Variants in CREB3L1 observed in about 807,000 individuals in gnomAD.
CREB3L1 encodes cyclic AMP-responsive element-binding protein 3-like protein 1.
Under a neutral mutation model 54.5 loss-of-function variants are expected in CREB3L1, and 33 were observed. That is an observed-to-expected ratio of 0.61 (90% CI 0.46 to 0.81). The LOEUF is 0.81. CREB3L1 is among the 30% of genes least tolerant of loss of function. The pLI, the probability that CREB3L1 is intolerant of heterozygous loss-of-function variation, is 0.00. For missense variants in CREB3L1, 656 were observed against 673.3 expected (o/e 0.97, Z 0.29); for synonymous variants, 284 against 286.4 (o/e 0.99, Z 0.08).
intron 1 of CREB3L1, among the ~76,000 whole-genome samples, chr11:46,287,333 C>A (rs1939068751): frequency 1.3e-5 from 2 of 152,150 alleles, no homozygotes; most frequent in Admixed American, 6.5e-5. Flanking sequence ...GGGTCTCACT[C>A]TGTTGCCCAG....
intron 1 of CREB3L1, among the ~76,000 whole-genome samples, chr11:46,296,611 A>G (rs564554642): frequency 1.7e-3 from 261 of 152,302 alleles, no homozygotes; most frequent in Non-Finnish European, 2.9e-3. Context: ...AGAGCGCTCT[A>G]GGGGAGTCCC....
intron 1 of CREB3L1, among the ~76,000 whole-genome samples, chr11:46,296,019 C>T (rs1006703781): frequency 2.6e-5 from 4 of 152,200 alleles, no homozygotes; most frequent in African/African-American, 9.7e-5. Context: ...CTCCGGCTTC[C>T]CACCCCCGTT....
intron 1 of CREB3L1, among the ~76,000 whole-genome samples, chr11:46,292,203 C>T (rs1385368783): frequency 3.3e-5 from 5 of 152,192 alleles, no homozygotes; most frequent in South Asian, 2.1e-4. Context: ...ATGGGTACAG[C>T]GGCCCCACTA....
At chr11:46,313,948 C>G (rs1288984259) in intron 8 of CREB3L1, among the ~76,000 whole-genome samples, 1 of 152,078 alleles carries the variant, frequency 6.6e-6, no homozygotes, top group Non-Finnish European at 1.5e-5. Flanking sequence ...GAAACATTAT[C>G]TCATAGGGCC....
rs533646792 is a variant in CREB3L1, at chr11:46,308,141, G to A, written c.516+141G>A. The stretch of plus-strand genomic sequence containing the variant: ...TCAGGGCTGAGGGTGGGAAGCCCCC[G>A]CCCAGCCCAGGCCTCCGCCTACCCC... On this transcript the variant is annotated intron_variant, in intron 3 of 11. Coordinates refer to ENST00000621158, the MANE Select transcript of CREB3L1 (RefSeq NM_052854.4). 3.2e-4 allele frequency: 240 copies of A among 742,718 alleles called. 2 individuals carry two copies. In the South Asian group the frequency reaches 4.2e-3, roughly 13 times the overall value. The allele number at this position is 742,718 out of a possible 1,614,324, so 46.0% of individuals were successfully genotyped here. A position where few individuals can be genotyped will look rare whatever the true frequency, so the allele number is the denominator to read the frequency against.
At chr11:46,315,586 C>G (rs1939555775) in intron 8 of CREB3L1, 1 of 188,114 alleles carries the variant, frequency 5.3e-6, no homozygotes, top group African/African-American at 2.3e-5. Flanking sequence ...AATCCCAACA[C>G]TTTGGGAGGC....
rs577026109 is a variant in CREB3L1 at position 46,278,594 on chromosome 11, T to C, written c.102+381T>C. On this transcript the variant is annotated intron_variant, in intron 1 of 11. Transcript: ENST00000621158. The surrounding 1 kb of genome is among the most constrained non-coding windows in gnomAD (Gnocchi z 4.2). ...TCCTGCGCCTCCCTTGGGGCTTCGG[T>C]GGCTCATAGGCTGGATCTCCGCTGG... 6.6e-6 allele frequency among the ~76,000 whole-genome samples: 1 copy of C among 152,154 alleles called. No individual in the cohort carries two copies.
At chr11:46,296,299 A>G (rs931882440) in intron 1 of CREB3L1, among the ~76,000 whole-genome samples, 2 of 152,068 alleles carry the variant, frequency 1.3e-5, no homozygotes, top group Non-Finnish European at 2.9e-5. Flanking sequence ...GGATGGGGCC[A>G]AGTGGATGCG....
In CREB3L1 at chr11:46,295,557, G is replaced by A. The variant is rs1939195802; in HGVS notation, c.103-4378G>A. On this transcript the variant is annotated intron_variant, in intron 1 of 11. Coordinates refer to ENST00000621158, the MANE Select transcript of CREB3L1 (RefSeq NM_052854.4). This position sits in a 1 kb window ranked among gnomAD's most constrained non-coding sequence, Gnocchi z 4.6. ...GCAGGCCCGAGCCAGTGCACCCTGC[G>A]CTCCCTCAGCCGCGGGCCGTCGGCG... 6.6e-6 allele frequency among the ~76,000 whole-genome samples: 1 copy of A among 152,200 alleles called. No homozygotes were observed. The highest frequency in any genetic ancestry group is 1.5e-5 in the Non-Finnish European group (1 of 68,024).
rs1414264282 is a variant in CREB3L1 at position 46,278,068 on chromosome 11, A to C, written c.-44A>C. On this transcript the variant is annotated 5_prime_UTR_variant, in exon 1 of 12. Transcript: ENST00000621158. This position sits in a 1 kb window ranked among gnomAD's most constrained non-coding sequence, Gnocchi z 4.2. ...TGGACTGGGCGCGCCGCCGCCCTGGAGTGAGGGAAGCCCAGTGGAAGGGGG... is the reference window on the plus strand; with the variant it reads ...TGGACTGGGCGCGCCGCCGCCCTGGCGTGAGGGAAGCCCAGTGGAAGGGGG... 8.2e-7 allele frequency: 1 copy of C among 1,213,104 alleles called. No individual in the cohort carries two copies. Among genetic ancestry groups the C allele is most frequent in the Non-Finnish European group, 1.1e-6 (1 of 877,116 alleles). 75.1% of individuals were successfully genotyped at this position (1,213,104 alleles called of 1,614,324 possible). A position where few individuals can be genotyped will look rare whatever the true frequency, so the allele number is the denominator to read the frequency against.
chr11:46,279,204 C>T (rs867971844), intron 1 of CREB3L1, among the ~76,000 whole-genome samples: 18 of 152,262 alleles, frequency 1.2e-4, no homozygotes, highest in African/African-American at 3.9e-4. Flanking sequence ...TGATCAAGCA[C>T]TTGAGACTCT....
rs529198376 is a variant in CREB3L1 at position 46,287,890 on chromosome 11, T to C, written c.102+9677T>C. 8.6e-5 allele frequency among the ~76,000 whole-genome samples: 13 copies of C among 151,508 alleles called. No individual in the cohort carries two copies. In the East Asian group the frequency reaches 1.4e-3, roughly 16 times the overall value. ...ACTCAGGAGGCTGAGACAGAAGAAT[T>C]GCTTGAACCCAGGAGGCGGAGGTTG... On this transcript the variant is annotated intron_variant, in intron 1 of 11. Transcript: ENST00000621158.
At chr11:46,312,213 G>C in intron 5 of CREB3L1, 112 bp from the exon 6 acceptor site, 1 of 868,950 alleles carries the variant, frequency 1.2e-6, no homozygotes, top group African/African-American at 1.7e-5. Flanking sequence ...TGAGGAAACT[G>C]AGGCATAGAG....
At chr11:46,311,281 C>G in intron 5 of CREB3L1, 92 bp downstream of exon 5, 2 of 1,387,634 alleles carry the variant, frequency 1.4e-6, no homozygotes, top group Non-Finnish European at 1.9e-6. Flanking sequence ...TGGGGAGCCC[C>G]GAGACTGATC....
At chr11:46,291,711 G>T (rs970768668) in intron 1 of CREB3L1, among the ~76,000 whole-genome samples, 3 of 152,212 alleles carry the variant, frequency 2.0e-5, no homozygotes, top group Admixed American at 6.5e-5. Context: ...AGCATCGGGT[G>T]GGTCAAGAGT....
chr11:46,305,668 ATATATGTG>A (rs1939378967), intron 2 of CREB3L1, among the ~76,000 whole-genome samples: 1 of 99,762 alleles, frequency 1.0e-5, no homozygotes, highest in South Asian at 3.2e-4. Context: ...ATGTGTGTAT[ATATATGTG>A]TGTGTGTGTA....
intron 1 of CREB3L1, among the ~76,000 whole-genome samples, chr11:46,290,093 G>C (rs1460646582): frequency 6.6e-6 from 1 of 152,150 alleles, no homozygotes; most frequent in Non-Finnish European, 1.5e-5. Flanking sequence ...CTCGCACTGG[G>C]CCAGGAGTAC....
At chr11:46,305,690 A>ATGTGTGTGTGTG (rs764468204) in intron 2 of CREB3L1, among the ~76,000 whole-genome samples, 1 of 111,610 alleles carries the variant, frequency 9.0e-6, no homozygotes, top group Non-Finnish European at 1.8e-5. Flanking sequence ...GTGTGTATAT[A>ATGTGTGTGTGTG]TGTGTGTGTG....
chr11:46,279,172 CCA>C (rs747188947), intron 1 of CREB3L1, among the ~76,000 whole-genome samples: 10 of 150,928 alleles, frequency 6.6e-5, no homozygotes, highest in African/African-American at 1.5e-4. Flanking sequence ...TGTTCACACG[CCA>C]CACACACACA....
Sources: allele counts gnomAD v4.1 joint callset (sites outside exome capture counted in the v4.1 genomes callset), GRCh38; gene constraint gnomAD v4.1.1; non-coding constraint Gnocchi (gnomAD v3.1); transcripts MANE v1.5; gene names NCBI Gene and HGNC (gene_info 2026-07-23, HGNC 2026-07-21).